The following WHRN variants were observed in gnomAD, a reference collection of about 807,000 sequenced individuals.
WHRN encodes whirlin.
A neutral mutation model predicts 68.3 loss-of-function variants in WHRN; 41 were observed. The ratio of observed to expected loss-of-function variants is 0.60; its 90% CI spans 0.47 to 0.78. WHRN has a LOEUF of 0.78. WHRN is among the 30% of genes least tolerant of loss of function. The pLI is 0.00. For missense variants in WHRN, 1,243 were observed against 1,244.7 expected (o/e 1.00, Z 0.02); for synonymous variants, 560 against 561.3 (o/e 1.00, Z 0.03).
At chr9:114,463,470 A>G (rs566182686) in intron 3 of WHRN, among the ~76,000 whole-genome samples, 3 of 152,358 alleles carry the variant, frequency 2.0e-5, no homozygotes, top group African/African-American at 7.2e-5. Flanking sequence ...ACTAAATGCA[A>G]TGTGGTATGC....
chr9:114,426,478 C>T, intron 3 of WHRN, 65 bp from the exon 4 acceptor site: 2 of 1,579,002 alleles, frequency 1.3e-6, no homozygotes, highest in Middle Eastern at 1.8e-4. Flanking sequence ...AGGGACTTCA[C>T]AGCCCAGATC....
At position 114,424,995 on chromosome 9, in the gene WHRN, A is replaced by G; in HGVS notation, c.1196T>C (p.Ile399Thr). 1 of 1,614,156 alleles carries G rather than the reference A, an allele frequency of 6.2e-7. No homozygotes were observed. The highest frequency in any genetic ancestry group is 1.1e-5 in the South Asian group (1 of 91,088). Residue 399 changes from isoleucine (I) to threonine (T), a missense_variant, in exon 5 of 12, where the codon ATA becomes ACA. Ile to Thr is a moderately conservative substitution (Grantham distance 89, BLOSUM62 -1). Transcript: ENST00000362057. The stretch of plus-strand genomic sequence containing the variant: ...CCTTAGAGGATGTCCTACCTTGTTT[A>G]TTCCTTCTGTTGTGAGATCGCCAAG... The part of the protein sequence containing the change: ...GFLGDLTTEG[I>T]NKPGFYKGPA...
intron 3 of WHRN, among the ~76,000 whole-genome samples, chr9:114,444,853 G>A (rs1426741538): frequency 6.6e-6 from 1 of 151,750 alleles, no homozygotes. Context: ...GTTATGGAAG[G>A]TGGGGGAAAG....
intron 3 of WHRN, among the ~76,000 whole-genome samples, chr9:114,457,998 C>T (rs1226612202): frequency 6.6e-6 from 1 of 151,648 alleles, no homozygotes; most frequent in Non-Finnish European, 1.5e-5. Context: ...TATCAGTGTA[C>T]TTCATAATTA....
Position 114,406,777 on chromosome 9 carries a change from T to C in WHRN, c.1814A>G (p.Glu605Gly), listed in dbSNP as rs756779026. 6.2e-7 allele frequency: 1 copy of C among 1,613,914 alleles called. No individual in the cohort carries two copies. Among genetic ancestry groups the C allele is most frequent in the South Asian group, 1.1e-5 (1 of 91,060 alleles). ...CATGGAGGAAGGTGGCTGGAGGTCC[T>C]CTCTCCCCAGCTTCCTTGGCTGGCC... ...PLGQPRKLGR[E>G]DLQPPSSMPS... The change falls in exon 9 of 12, where the codon GAG (glutamate) becomes GGG (glycine). Residue 605 changes from glutamate to glycine, a missense_variant. Coordinates refer to ENST00000362057, the MANE Select transcript of WHRN (RefSeq NM_015404.4).
intron 1 of WHRN, among the ~76,000 whole-genome samples, chr9:114,497,986 C>T (rs7023161): frequency 0.22 from 34,008 of 152,000 alleles, 6,791 homozygotes; most frequent in African/African-American, 0.52. Context: ...TGGTAAAGCA[C>T]ACACTAGAGC....
At chr9:114,447,171 C>G (rs999576414) in intron 3 of WHRN, among the ~76,000 whole-genome samples, 1 of 152,172 alleles carries the variant, frequency 6.6e-6, no homozygotes, top group African/African-American at 2.4e-5. Context: ...CAAGAGAAGT[C>G]CAGCTCAAGA....
chr9:114,423,694 C>T (rs779078138), intron 6 of WHRN, among the ~76,000 whole-genome samples, 171 bp from the exon 7 acceptor site: 1 of 152,168 alleles, frequency 6.6e-6, no homozygotes, highest in Non-Finnish European at 1.5e-5. Context: ...ACCTGGACAC[C>T]AGGCCCAGCA....
chr9:114,409,755 T>C (rs1473375751), intron 7 of WHRN, among the ~76,000 whole-genome samples: 11 of 151,712 alleles, frequency 7.3e-5, no homozygotes, highest in Admixed American at 6.6e-4. Context: ...CTCCAAAACC[T>C]AACCCACCTG....
intron 3 of WHRN, among the ~76,000 whole-genome samples, chr9:114,426,815 G>GT (rs1053265963): frequency 6.6e-6 from 1 of 152,168 alleles, no homozygotes; most frequent in African/African-American, 2.4e-5. Context: ...CTTTGTTGAG[G>GT]TTTTTACCTC....
intron 1 of WHRN, among the ~76,000 whole-genome samples, chr9:114,492,678 T>C (rs1843087338): frequency 6.6e-6 from 1 of 152,018 alleles, no homozygotes; most frequent in Admixed American, 6.5e-5. Flanking sequence ...TTTTCTGAAG[T>C]TTTCAAGTTT....
intron 1 of WHRN, among the ~76,000 whole-genome samples, chr9:114,488,647 T>C (rs1249111703): frequency 6.6e-6 from 1 of 152,196 alleles, no homozygotes; most frequent in African/African-American, 2.4e-5. Flanking sequence ...TCCAGCCACA[T>C]GGACTGGAAA....
At chr9:114,465,631 G>A (rs755569513) in intron 3 of WHRN, among the ~76,000 whole-genome samples, 6 of 152,158 alleles carry the variant, frequency 3.9e-5, no homozygotes, top group Admixed American at 2.0e-4. Context: ...GCAAGTTCCC[G>A]GGCTACCCTG....
In WHRN at chr9:114,466,306, G is replaced by T. The variant is rs527456102; in HGVS notation, c.924C>A (p.Gly308=). Residue 308 remains glycine, a synonymous_variant, in exon 3 of 12, where the codon GGC becomes GGA. Coordinates refer to ENST00000362057, the MANE Select transcript of WHRN (RefSeq NM_015404.4). The stretch of plus-strand genomic sequence containing the variant: ...CTTCTGCTTCAGAGCCTGGGTCCAC[G>T]CCAGTGATGTAAATGCCAAGGCCGT... ...AEYGLGIYIT[G]VDPGSEAEGS... is the part of the protein sequence containing the mutation. 5.6e-6 allele frequency: 9 copies of T among 1,613,914 alleles called. No homozygotes were observed. The East Asian group carries it at 2.0e-4, about 36-fold the overall frequency.
intron 1 of WHRN, chr9:114,503,342 G>T (rs201782449): frequency 3.7e-6 from 1 of 268,132 alleles, no homozygotes; most frequent in Non-Finnish European, 5.7e-6. Context: ...GTCGGGGGAG[G>T]GGGGAAGGGG....
At chr9:114,423,261 C>A (rs923117853) in intron 7 of WHRN, 53 bp downstream of exon 7, 6 of 1,585,732 alleles carry the variant, frequency 3.8e-6, no homozygotes, top group Non-Finnish European at 4.3e-6. Context: ...CCAAAGCCAG[C>A]ATCTTAACTC....
intron 2 of WHRN, among the ~76,000 whole-genome samples, chr9:114,477,137 A>G (rs1048319133): frequency 6.6e-6 from 1 of 152,190 alleles, no homozygotes; most frequent in Non-Finnish European, 1.5e-5. Flanking sequence ...GCTCACCTCC[A>G]ATAGAAGCTG....
intron 1 of WHRN, among the ~76,000 whole-genome samples, chr9:114,485,265 C>T (rs931562029): frequency 6.6e-6 from 1 of 152,358 alleles, no homozygotes; most frequent in East Asian, 1.9e-4. Flanking sequence ...GCCTGCTCTT[C>T]GCAGCCGCAC....
chr9:114,500,645 T>A (rs1843841098), intron 1 of WHRN, among the ~76,000 whole-genome samples: 1 of 152,188 alleles, frequency 6.6e-6, no homozygotes, highest in South Asian at 2.1e-4. Flanking sequence ...TATATGCACA[T>A]ATCCCAGCAG....
Sources: gnomAD v4.1 joint callset for allele counts (sites outside exome capture counted in the v4.1 genomes callset) on GRCh38, gnomAD v4.1.1 for gene constraint, MANE v1.5 for transcripts, NCBI Gene and HGNC (gene_info 2026-07-23, HGNC 2026-07-21) for gene names.